STT3A: variants seen among roughly 807,000 people sequenced by gnomAD.
STT3A encodes dolichyl-diphosphooligosaccharide--protein glycosyltransferase subunit STT3A.
A neutral mutation model predicts 89.2 loss-of-function variants in STT3A; 34 were observed. The ratio of observed to expected loss-of-function variants is 0.38; its 90% CI spans 0.29 to 0.51. The LOEUF is 0.51. Ranked by LOEUF, STT3A falls within the 20% of genes least tolerant of loss-of-function variation. The pLI is 0.89. For synonymous variants in STT3A, 282 were observed against 310.3 expected, an observed-to-expected ratio of 0.91 and a Z score of 0.96; for missense variants, 555 against 889.5, an observed-to-expected ratio of 0.62 and a Z score of 4.78.
At chr11:125,600,536 A>G (rs76559631) in intron 3 of STT3A, among the ~76,000 whole-genome samples, 1 of 149,496 alleles carries the variant, frequency 6.7e-6, no homozygotes, top group East Asian at 2.0e-4. Context: ...TGATTGTTGT[A>G]TTTTTTTTTA....
rs150429850 is a variant in STT3A at position 125,622,035 on chromosome 11, C to T, written c.*1225C>T. 49 of 152,262 alleles carry T rather than the reference C, an allele frequency of 3.2e-4. No homozygotes were observed. Among genetic ancestry groups the T allele is most frequent in the African/African-American group, 1.0e-3 (43 of 41,548 alleles). 9.4% of individuals were successfully genotyped at this position (152,262 alleles called of 1,614,324 possible). A position where few individuals can be genotyped will look rare whatever the true frequency, so the allele number is the denominator to read the frequency against. On this transcript the variant is annotated 3_prime_UTR_variant, in exon 18 of 18. Transcript: ENST00000392708. ...GGGCGACAGTGAAATCTTGTCTAAA[C>T]AAAAACAATTTAACTGGGAAGCACA...
intron 3 of STT3A, among the ~76,000 whole-genome samples, chr11:125,600,531 G>T (rs12275258): frequency 0.11 from 16,024 of 151,430 alleles, 1,221 homozygotes; most frequent in African/African-American, 0.22. Context: ...CCTGCTGATT[G>T]TTGTATTTTT....
chr11:125,612,740 AG>A lies in STT3A; in HGVS notation c.1359del (p.Asn454MetfsTer7). 6.2e-7 allele frequency: 1 copy of A among 1,613,896 alleles called. No individual in the cohort carries two copies. The highest frequency in any genetic ancestry group is 8.5e-7 in the Non-Finnish European group (1 of 1,179,904). On this transcript the variant is annotated frameshift_variant, in exon 12 of 18. Transcript: ENST00000392708. LOFTEE classifies it high-confidence loss of function. ...CAACAGGATTCCACCTACCCTATTAAGAATGAAGTGAGAAGCAATGTTAAGA... is the reference window on the plus strand; with the variant it reads ...CAACAGGATTCCACCTACCCTATTAAAATGAAGTGAGAAGCAATGTTAAGA... Reference protein sequence around the residue: ...KKQQDSTYPIKNEVASGMILV... With the variant: ...KKQQDSTYPIXNEVASGMILV...
At position 125,595,791 on chromosome 11, in the gene STT3A, G is replaced by C. The variant is rs560553008; in HGVS notation, c.-35-90G>C. 6 of 690,600 alleles carry C rather than the reference G, an allele frequency of 8.7e-6. No homozygotes were observed. The Admixed American group carries it at 1.2e-4, about 14-fold the overall frequency. The allele number at this position is 690,600 out of a possible 1,614,324, so 42.8% of individuals were successfully genotyped here. A position where few individuals can be genotyped will look rare whatever the true frequency, so the allele number is the denominator to read the frequency against. On this transcript the variant is annotated intron_variant, in intron 1 of 17. Coordinates refer to ENST00000392708, the MANE Select transcript of STT3A (RefSeq NM_152713.5). ...GTCTGGTGTTTTTGCTAGCTCCTAC[G>C]TCCTTTATGATTCCCTCTCATCATA... is the stretch of plus-strand genomic sequence containing the variant.
At chr11:125,598,342 CTG>C (rs1939561182) in intron 3 of STT3A, among the ~76,000 whole-genome samples, 1 of 152,170 alleles carries the variant, frequency 6.6e-6, no homozygotes, top group South Asian at 2.1e-4. Flanking sequence ...ACTGTAGTCA[CTG>C]TGTTATATTG....
intron 15 of STT3A, among the ~76,000 whole-genome samples, chr11:125,616,724 C>G (rs1940190001): frequency 6.6e-6 from 1 of 152,198 alleles, no homozygotes; most frequent in Non-Finnish European, 1.5e-5. Flanking sequence ...GTCACCCAGG[C>G]TGGAGTTCAG....
At chr11:125,609,624 A>G (rs1433284855) in intron 10 of STT3A, 35 bp downstream of exon 10, 12 of 1,577,144 alleles carry the variant, frequency 7.6e-6, no homozygotes, top group African/African-American at 4.1e-5. Context: ...GGCCTTGTTC[A>G]TAAGAATCAC....
At position 125,621,083 on chromosome 11, in the gene STT3A, C is replaced by G; in HGVS notation, c.*273C>G. 3.1e-6 allele frequency: 1 copy of G among 327,760 alleles called. No individual in the cohort carries two copies. Among genetic ancestry groups the G allele is most frequent in the East Asian group, 5.2e-5 (1 of 19,058 alleles). 20.3% of individuals were successfully genotyped at this position (327,760 alleles called of 1,614,324 possible). A position where few individuals can be genotyped will look rare whatever the true frequency, so the allele number is the denominator to read the frequency against. On this transcript the variant is annotated 3_prime_UTR_variant, in exon 18 of 18. Coordinates refer to ENST00000392708, the MANE Select transcript of STT3A (RefSeq NM_152713.5). ...AAAAAATGTGCCTTATTTGTTTTGA[C>G]TTATAACTGATTTGAGGGAGGCAAA...
chr11:125,599,017 A>G (rs1444705568), intron 3 of STT3A, among the ~76,000 whole-genome samples: 1 of 152,244 alleles, frequency 6.6e-6, no homozygotes, highest in Non-Finnish European at 1.5e-5. Context: ...CTTTGTCGTC[A>G]AGAGCTGTTA....
chr11:125,609,647 A>C (rs1233144976), intron 10 of STT3A, 58 bp downstream of exon 10: 1 of 1,568,788 alleles, frequency 6.4e-7, no homozygotes, highest in East Asian at 2.3e-5. Flanking sequence ...TTTGATTCCA[A>C]ATTTGCAAGC....
chr11:125,592,852 A>G lies in STT3A; in HGVS notation c.-102A>G, dbSNP rs1202769928. On this transcript the variant is annotated 5_prime_UTR_variant, in exon 1 of 18. Transcript: ENST00000392708. ...CCGGGAGGCGGACCCGGCTCCTGCCAGGGTTGGGTGCGCCGCTGAACGGAT... is the reference window on the plus strand; with the variant it reads ...CCGGGAGGCGGACCCGGCTCCTGCCGGGGTTGGGTGCGCCGCTGAACGGAT... The G allele has an allele frequency of 5.3e-6, 1 of 187,612 alleles. No homozygotes were observed. The highest frequency in any genetic ancestry group is 2.4e-5 in the African/African-American group (1 of 42,178). 11.6% of individuals were successfully genotyped at this position (187,612 alleles called of 1,614,324 possible). A position where few individuals can be genotyped will look rare whatever the true frequency, so the allele number is the denominator to read the frequency against.
intron 1 of STT3A, among the ~76,000 whole-genome samples, chr11:125,594,577 C>T (rs559288605): frequency 1.0e-4 from 10 of 99,954 alleles, no homozygotes; most frequent in Non-Finnish European, 1.6e-4. Context: ...AGCAAGACTC[C>T]GTCTCAAAAA....
In STT3A at chr11:125,602,264, T is replaced by G. The variant is rs374762831; in HGVS notation, c.150-39T>G. 5.0e-6 allele frequency: 8 copies of G among 1,603,774 alleles called. No homozygotes were observed. The African/African-American group carries it at 1.1e-4, about 22-fold the overall frequency. On this transcript the variant is annotated intron_variant, in intron 3 of 17. Coordinates refer to ENST00000392708, the MANE Select transcript of STT3A (RefSeq NM_152713.5). ...AATGGTGTATCCTGAGGAGCAAAAT[T>G]CACCACAAATTTACAACAAAGTTTA...
Position 125,597,281 on chromosome 11 carries a change from C to T in STT3A, c.149+162C>T, listed in dbSNP as rs76225995. On this transcript the variant is annotated intron_variant, in intron 3 of 17. Transcript: ENST00000392708. ...ATTCTTCCAAAGGAGATAATTATCT[C>T]CTTTTAAGACGTATGTGTTGGAGTC... is the stretch of plus-strand genomic sequence containing the variant. 2.2e-4 allele frequency among the ~76,000 whole-genome samples: 34 copies of T among 152,038 alleles called. No individual in the cohort carries two copies. In the East Asian group the frequency reaches 6.6e-3, roughly 29 times the overall value.
chr11:125,620,206 T>C, intron 17 of STT3A, 80 bp downstream of exon 17: 1 of 1,132,532 alleles, frequency 8.8e-7, no homozygotes, highest in Non-Finnish European at 1.3e-6. Flanking sequence ...GGGACATATA[T>C]TTCTCAAATA....
chr11:125,607,452 A>G (rs931916596), intron 8 of STT3A, among the ~76,000 whole-genome samples: 3 of 152,256 alleles, frequency 2.0e-5, no homozygotes, highest in Non-Finnish European at 2.9e-5. Flanking sequence ...GTCTTCTTAC[A>G]GGGAAAGAAA....
At chr11:125,596,119 T>C in intron 2 of STT3A, 116 bp downstream of exon 2, 1 of 813,604 alleles carries the variant, frequency 1.2e-6, no homozygotes, top group Non-Finnish European at 2.0e-6. Context: ...GTTACATTTT[T>C]CCATTCCTCA....
chr11:125,607,061 A>G (rs1330894999), intron 8 of STT3A, among the ~76,000 whole-genome samples: 2 of 152,216 alleles, frequency 1.3e-5, no homozygotes, highest in South Asian at 2.1e-4. Context: ...GAATGGTGTG[A>G]AAGTGATCTG....
rs1481911291 is a variant in STT3A at position 125,611,222 on chromosome 11, T to A, written c.1118-206T>A. The A allele has an allele frequency of 7.0e-6, 3 of 427,788 alleles. 1 individual carries two copies. The highest frequency in any genetic ancestry group is 1.3e-5 in the Non-Finnish European group (3 of 236,466). 26.5% of individuals were successfully genotyped at this position (427,788 alleles called of 1,614,324 possible). A position where few individuals can be genotyped will look rare whatever the true frequency, so the allele number is the denominator to read the frequency against. On this transcript the variant is annotated intron_variant, in intron 10 of 17. Transcript: ENST00000392708. ...AGCTCCTTGTTTTTGGACATTTGGG[T>A]TGTTTCTGATTTTTTTGCTACTTTA...
Sources: gnomAD v4.1 joint callset for allele counts (sites outside exome capture counted in the v4.1 genomes callset) on GRCh38, gnomAD v4.1.1 for gene constraint, MANE v1.5 for transcripts, NCBI Gene and HGNC (gene_info 2026-07-23, HGNC 2026-07-21) for gene names.